The following TENM3 variants were observed in gnomAD, a reference collection of about 807,000 sequenced individuals.
TENM3 encodes the protein teneurin-3.
TENM3 carries 63 observed loss-of-function variants against 255.1 expected under a neutral mutation model. The ratio of observed to expected loss-of-function variants is 0.25; its 90% CI spans 0.20 to 0.30. The LOEUF (loss-of-function observed/expected upper bound fraction) is 0.30. Among genes scored for constraint, TENM3 ranks in the 10% least tolerant of loss-of-function variants. TENM3 has a pLI of 1.00. For missense variants in TENM3, 2,929 were observed against 3,461.1 expected (o/e 0.85, Z 3.86); for synonymous variants, 1,306 against 1,322.3 (o/e 0.99, Z 0.27).
At chr4:182,169,330 A>T (rs1258810898) in intron 1 of TENM3, 1 of 477,450 alleles carries the variant, frequency 2.1e-6, no homozygotes, top group African/African-American at 2.0e-5. Flanking sequence ...TTGAATGTTT[A>T]TTGTAAAGAT....
rs182274746 is a variant in TENM3 at position 182,236,566 on chromosome 4, T to C, written c.-75-87380T>C. Among the ~76,000 whole-genome samples, 3 of 152,346 alleles carry C rather than the reference T, an allele frequency of 2.0e-5. No homozygotes were observed. The South Asian group carries it at 6.2e-4, about 32-fold the overall frequency. On this transcript the variant is annotated intron_variant, in intron 1 of 2. Coordinates refer to the TENM3 transcript ENST00000512480. ...GACCATACAAACTTGTTTTTCCCAG[T>C]GTAGACGTTAAATAATTTAATGGGA... is the stretch of plus-strand genomic sequence containing the variant.
chr4:182,117,505 AT>A, the TENM3 span, among the ~76,000 whole-genome samples: 3 of 152,182 alleles, frequency 2.0e-5, no homozygotes, highest in Non-Finnish European at 4.4e-5. Context: ...GTCTAGACTT[AT>A]TTTTTTGTAT....
the TENM3 span, among the ~76,000 whole-genome samples, chr4:181,582,669 C>CAAAAAAAAAAAAAAAAAAAAAA: frequency 1.6e-5 from 2 of 124,756 alleles, no homozygotes; most frequent in African/African-American, 6.2e-5. Flanking sequence ...CAAAACAAAT[C>CAAAAAAAAAAAAAAAAAAAAAA]AAAAAAAAAA....
the TENM3 span, among the ~76,000 whole-genome samples, chr4:181,923,299 C>T: frequency 6.6e-6 from 1 of 151,598 alleles, no homozygotes; most frequent in Admixed American, 6.6e-5. Flanking sequence ...GTGTGCATTG[C>T]AGAGAACAAC....
At chr4:181,912,137 T>C in the TENM3 span, among the ~76,000 whole-genome samples, 2 of 152,216 alleles carry the variant, frequency 1.3e-5, no homozygotes, top group African/African-American at 2.4e-5. Flanking sequence ...TTTTAAGCAC[T>C]GGACTGATCT....
intron 13 of TENM3, among the ~76,000 whole-genome samples, chr4:182,718,653 T>C (rs1759405653): frequency 6.6e-6 from 1 of 152,208 alleles, no homozygotes; most frequent in African/African-American, 2.4e-5. Flanking sequence ...AATCTTCTTC[T>C]CTCTGTCTCC....
the TENM3 span, among the ~76,000 whole-genome samples, chr4:181,669,253 A>T: frequency 6.6e-6 from 1 of 152,182 alleles, no homozygotes; most frequent in Admixed American, 6.6e-5. Context: ...ATACTAATGC[A>T]TTTAATCTTC....
At chr4:181,584,358 C>T in the TENM3 span, among the ~76,000 whole-genome samples, 1 of 152,158 alleles carries the variant, frequency 6.6e-6, no homozygotes, top group African/African-American at 2.4e-5. Context: ...TCTCAGTGAC[C>T]TAATTTCATT....
chr4:182,300,236 A>G lies in TENM3; in HGVS notation c.-75-23710A>G, dbSNP rs570958597. Among the ~76,000 whole-genome samples, 8 of 151,922 alleles carry G rather than the reference A, an allele frequency of 5.3e-5. No homozygotes were observed. In the East Asian group the frequency reaches 1.6e-3, roughly 30 times the overall value. ...GCTCAAGTAGATAATTATTTATGAG[A>G]ATCGTTTTCTTCATGAAAGAAGCAA... On this transcript the variant is annotated intron_variant, in intron 1 of 27. Coordinates refer to ENST00000511685, the MANE Select transcript of TENM3 (RefSeq NM_001080477.4).
the TENM3 span, among the ~76,000 whole-genome samples, chr4:181,867,687 G>A: frequency 0.22 from 33,115 of 152,040 alleles, 5,816 homozygotes; most frequent in East Asian, 0.66. Flanking sequence ...TAGGTAACAT[G>A]TACTGTTATG....
chr4:181,787,739 A>C, the TENM3 span, among the ~76,000 whole-genome samples: 2 of 152,030 alleles, frequency 1.3e-5, no homozygotes, highest in Non-Finnish European at 2.9e-5. Context: ...TCCACCTATT[A>C]CCTATAAACC....
At chr4:182,420,158 CCTAT>C (rs1468759833) in intron 3 of TENM3, among the ~76,000 whole-genome samples, 2 of 151,634 alleles carry the variant, frequency 1.3e-5, no homozygotes, top group African/African-American at 4.9e-5. Context: ...ATAATTGTGC[CCTAT>C]CTGTCAAGCA....
chr4:182,232,653 G>A (rs1479125764), intron 1 of TENM3, among the ~76,000 whole-genome samples: 1 of 151,856 alleles, frequency 6.6e-6, no homozygotes, highest in Non-Finnish European at 1.5e-5. Flanking sequence ...CGGAGATCGC[G>A]CCACTGCACT....
the TENM3 span, among the ~76,000 whole-genome samples, chr4:182,093,738 A>G: frequency 2.0e-5 from 3 of 152,122 alleles, no homozygotes; most frequent in African/African-American, 7.2e-5. Context: ...GCCACTAGGA[A>G]TGCTCAAAAA....
At chr4:181,875,054 C>T in the TENM3 span, among the ~76,000 whole-genome samples, 4 of 152,158 alleles carry the variant, frequency 2.6e-5, no homozygotes, top group Non-Finnish European at 5.9e-5. Flanking sequence ...CGTGCTTCTG[C>T]TTTTTCATGT....
chr4:181,801,690 AT>A, the TENM3 span, among the ~76,000 whole-genome samples: 1 of 115,998 alleles, frequency 8.6e-6, no homozygotes, highest in African/African-American at 3.2e-5. Flanking sequence ...ATATATATAT[AT>A]ATATATGCAA....
chr4:181,901,241 A>G, the TENM3 span, among the ~76,000 whole-genome samples: 1 of 152,224 alleles, frequency 6.6e-6, no homozygotes, highest in Non-Finnish European at 1.5e-5. Flanking sequence ...ATGGAATCAC[A>G]TGGCCAAAGT....
At chr4:182,368,267 T>A (rs1287127486) in intron 3 of TENM3, among the ~76,000 whole-genome samples, 11 of 152,192 alleles carry the variant, frequency 7.2e-5, no homozygotes, top group Non-Finnish European at 1.5e-5. Flanking sequence ...TGCAAGGAAG[T>A]AGGCTGTAGG....
In TENM3 at chr4:182,437,683, A is replaced by T. The variant is rs553792076; in HGVS notation, c.511+90754A>T. Among the ~76,000 whole-genome samples, 3 of 152,054 alleles carry T rather than the reference A, an allele frequency of 2.0e-5. No homozygotes were observed. In the South Asian group the frequency reaches 6.2e-4, roughly 32 times the overall value. On this transcript the variant is annotated intron_variant, in intron 3 of 27. Coordinates refer to ENST00000511685, the MANE Select transcript of TENM3 (RefSeq NM_001080477.4). The stretch of plus-strand genomic sequence containing the variant: ...CGTGGTGGTAGGCGCTTGTAATCCC[A>T]ACTATTCTGGAGGCTGAGGCAGGAG...
Sources: gnomAD v4.1 joint callset for allele counts (sites outside exome capture counted in the v4.1 genomes callset) on GRCh38, gnomAD v4.1.1 for gene constraint, MANE v1.5 for transcripts, NCBI Gene and HGNC (gene_info 2026-07-23, HGNC 2026-07-21) for gene names.